Variants in SKA1 observed in about 807,000 individuals in gnomAD.
The protein encoded by SKA1 is spindle and kinetochore associated complex subunit 1.
A neutral mutation model predicts 31.8 loss-of-function variants in SKA1; 20 were observed. That is an observed-to-expected ratio of 0.63 (90% confidence interval 0.44 to 0.91). SKA1 has a LOEUF of 0.91. SKA1 is among the 40% of genes least tolerant of loss of function. The probability of loss-of-function intolerance (pLI) is 0.00; values close to 1 mark genes in which losing one functional copy is unlikely to be tolerated. For synonymous variants in SKA1, 88 were observed against 100.5 expected (o/e 0.88, Z 0.74); for missense variants, 253 against 298.2 (o/e 0.85, Z 1.12).
chr18:50,391,522 G>A (rs1207388921), intron 6 of SKA1, among the ~76,000 whole-genome samples: 2 of 152,166 alleles, frequency 1.3e-5, no homozygotes, highest in Admixed American at 1.3e-4. Context: ...TATAACAGCC[G>A]GCAGTGCACA....
chr18:50,380,606 C>A (rs979414955), intron 3 of SKA1, among the ~76,000 whole-genome samples: 2 of 152,098 alleles, frequency 1.3e-5, no homozygotes, highest in African/African-American at 2.4e-5. Context: ...TCTCTGCCAC[C>A]CTGAGAAAGC....
intron 6 of SKA1, 63 bp from the exon 7 acceptor site, chr18:50,392,036 T>C: frequency 7.9e-7 from 1 of 1,265,846 alleles, no homozygotes; most frequent in Non-Finnish European, 1.1e-6. Context: ...CACAACTTAA[T>C]GTATTAAAGA....
At chr18:50,376,477 T>G (rs1233382422) in intron 2 of SKA1, among the ~76,000 whole-genome samples, 1 of 152,152 alleles carries the variant, frequency 6.6e-6, no homozygotes, top group Non-Finnish European at 1.5e-5. Context: ...AAAGATACAG[T>G]AAAAGATTAA....
intron 4 of SKA1, among the ~76,000 whole-genome samples, chr18:50,382,492 T>C (rs745511372): frequency 6.6e-6 from 1 of 152,072 alleles, no homozygotes; most frequent in Non-Finnish European, 1.5e-5. Flanking sequence ...CTGAGAGCAG[T>C]TTGTCAACTG....
At chr18:50,377,973 G>A (rs2149318939) in intron 2 of SKA1, among the ~76,000 whole-genome samples, 1 of 152,274 alleles carries the variant, frequency 6.6e-6, no homozygotes, top group Admixed American at 6.5e-5. Flanking sequence ...GAGACTCTCG[G>A]AAGTCAGGTG....
intron 5 of SKA1, among the ~76,000 whole-genome samples, chr18:50,387,421 G>A: frequency 6.6e-6 from 1 of 152,136 alleles, no homozygotes; most frequent in East Asian, 1.9e-4. Flanking sequence ...TTTAAAGTGG[G>A]TTGTTTGTTT....
In SKA1 at chr18:50,392,314, T is replaced by C; in HGVS notation, c.*67T>C. On this transcript the variant is annotated 3_prime_UTR_variant, in exon 7 of 7. Transcript: ENST00000285116. Reference sequence around the variant, plus strand: ...ATAGAGGCTATTTCTATAATTTTCTTATATATAATTTTTTTAACTTTTAAT... The same window carrying C: ...ATAGAGGCTATTTCTATAATTTTCTCATATATAATTTTTTTAACTTTTAAT... The C allele has an allele frequency of 1.9e-6, 2 of 1,044,562 alleles. No individual in the cohort carries two copies. The highest frequency in any genetic ancestry group is 2.5e-6 in the Non-Finnish European group (2 of 795,222). 64.7% of individuals were successfully genotyped at this position (1,044,562 alleles called of 1,614,324 possible).
chr18:50,388,463 T>C (rs1423231563), intron 5 of SKA1, among the ~76,000 whole-genome samples: 5 of 152,218 alleles, frequency 3.3e-5, no homozygotes, highest in Admixed American at 6.5e-5. Flanking sequence ...AGATTCTGTG[T>C]CTTGTAGCTT....
chr18:50,375,775 G>A, intron 1 of SKA1, 45 bp from the exon 2 acceptor site: 2 of 1,261,590 alleles, frequency 1.6e-6, no homozygotes, highest in Non-Finnish European at 2.2e-6. Flanking sequence ...ACAGAAATTT[G>A]TGTGGCTTTT....
chr18:50,377,867 C>T (rs1253672412), intron 2 of SKA1, among the ~76,000 whole-genome samples: 1 of 152,110 alleles, frequency 6.6e-6, no homozygotes, highest in Non-Finnish European at 1.5e-5. Context: ...GAGCCTCATA[C>T]ATTTTACAGT....
Position 50,380,441 on chromosome 18 carries a change from G to C in SKA1, c.213+191G>C, listed in dbSNP as rs116442906. ...AGCTCCACAGCTGCTACTTTCTGCT[G>C]ATGGCCAGTGGAATTGAACTTTACT... is the stretch of plus-strand genomic sequence containing the variant. On this transcript the variant is annotated intron_variant, in intron 3 of 6. Transcript: ENST00000285116. 3.8e-3 allele frequency among the ~76,000 whole-genome samples: 574 copies of C among 152,298 alleles called. 3 individuals carry two copies. The highest frequency in any genetic ancestry group is 0.013 in the African/African-American group (561 of 41,560).
intron 4 of SKA1, among the ~76,000 whole-genome samples, chr18:50,384,872 A>AAAAAAAAAAAAAAAAAG (rs2041293197): frequency 1.5e-5 from 1 of 68,788 alleles, no homozygotes; most frequent in African/African-American, 6.6e-5. Flanking sequence ...AAAAAAAATT[A>AAAAAAAAAAAAAAAAAG]AAAAAAAAAA....
rs368324832 is a variant in SKA1, at chr18:50,393,973, C to T, written c.*1726C>T. 5 of 152,124 alleles carry T rather than the reference C, an allele frequency of 3.3e-5. No homozygotes were observed. The highest frequency in any genetic ancestry group is 9.7e-5 in the African/African-American group (4 of 41,420). The allele number at this position is 152,124 out of a possible 1,614,324, so 9.4% of individuals were successfully genotyped here. On this transcript the variant is annotated 3_prime_UTR_variant, in exon 7 of 7. Coordinates refer to ENST00000285116, the MANE Select transcript of SKA1 (RefSeq NM_145060.4). ...AGGCCTATGTCAACAAGACATAATC[C>T]GTTAACTATGGAGTTCAGGGAGCTT...
At chr18:50,384,301 T>C (rs1328364480) in intron 4 of SKA1, among the ~76,000 whole-genome samples, 1 of 152,216 alleles carries the variant, frequency 6.6e-6, no homozygotes, top group Non-Finnish European at 1.5e-5. Flanking sequence ...TGTGTAGTTA[T>C]AGCAGCCCCC....
intron 2 of SKA1, among the ~76,000 whole-genome samples, chr18:50,376,539 G>A (rs997990053): frequency 9.5e-6 from 1 of 105,602 alleles, no homozygotes; most frequent in African/African-American, 3.8e-5. Context: ...TGCAGAACTG[G>A]AAGTTGCTGT....
At chr18:50,381,942 G>C (rs964625927) in intron 3 of SKA1, among the ~76,000 whole-genome samples, 187 bp from the exon 4 acceptor site, 3 of 152,074 alleles carry the variant, frequency 2.0e-5, no homozygotes, top group African/African-American at 4.8e-5. Flanking sequence ...AGTGGGGATG[G>C]TCTCGATCTC....
intron 5 of SKA1, among the ~76,000 whole-genome samples, chr18:50,386,364 A>G (rs1353650111): frequency 2.0e-5 from 3 of 152,174 alleles, no homozygotes; most frequent in Admixed American, 6.5e-5. Context: ...TTGCTTCTAG[A>G]GAGTTTTTCA....
intron 5 of SKA1, among the ~76,000 whole-genome samples, chr18:50,388,440 AT>A (rs1366022493): frequency 6.6e-6 from 1 of 151,892 alleles, no homozygotes; most frequent in Non-Finnish European, 1.5e-5. Flanking sequence ...TTCCTTAGAA[AT>A]TTTTTCTTAA....
intron 5 of SKA1, among the ~76,000 whole-genome samples, chr18:50,388,278 G>A (rs978274687): frequency 1.3e-5 from 2 of 152,110 alleles, no homozygotes; most frequent in Admixed American, 1.3e-4. Context: ...TTTTAGTAGA[G>A]ACGGGGTTTC....
Sources: gnomAD v4.1 joint callset for allele counts (sites outside exome capture counted in the v4.1 genomes callset) on GRCh38, gnomAD v4.1.1 for gene constraint, MANE v1.5 for transcripts, NCBI Gene and HGNC (gene_info 2026-07-23, HGNC 2026-07-21) for gene names.